The following SLC19A2 variants were observed in gnomAD, a reference collection of about 807,000 sequenced individuals.
SLC19A2 encodes solute carrier family 19 member 2.
A neutral mutation model predicts 44.7 loss-of-function variants in SLC19A2; 27 were observed. The ratio of observed to expected loss-of-function variants is 0.60; its 90% CI spans 0.45 to 0.83. The LOEUF (loss-of-function observed/expected upper bound fraction) is 0.83, where lower values mean the gene tolerates loss of function less well. SLC19A2 is among the 40% of genes least tolerant of loss of function. SLC19A2 has a pLI of 0.00. For missense variants in SLC19A2, 566 were observed against 613.7 expected, an observed-to-expected ratio of 0.92 and a Z score of 0.82; for synonymous variants, 239 against 243.6, an observed-to-expected ratio of 0.98 and a Z score of 0.18.
In SLC19A2 at chr1:169,485,806, T is replaced by C. The variant is rs1176615682; in HGVS notation, c.-40A>G. ...GAGGGGACCCGGCCCGGCCCCTTCC[T>C]TCTCCTCCTCCGCCAACTGGAGTGA... On this transcript the variant is annotated 5_prime_UTR_variant, in exon 1 of 6. Coordinates refer to ENST00000236137, the MANE Select transcript of SLC19A2 (RefSeq NM_006996.3). 2 of 1,502,410 alleles carry C rather than the reference T, an allele frequency of 1.3e-6. No individual in the cohort carries two copies. Among genetic ancestry groups the C allele is most frequent in the Non-Finnish European group, 1.8e-6 (2 of 1,132,866 alleles). The allele number at this position is 1,502,410 out of a possible 1,614,324, so 93.1% of individuals were successfully genotyped here.
chr1:169,480,384 C>T (rs946860463), intron 1 of SLC19A2, among the ~76,000 whole-genome samples: 3 of 151,976 alleles, frequency 2.0e-5, no homozygotes, highest in Non-Finnish European at 4.4e-5. Context: ...GTGATCTCGG[C>T]TCACTGCAAC....
Position 169,465,829 on chromosome 1 carries a change from A to C in SLC19A2, c.*20T>G, listed in dbSNP as rs370695604. ...GCTGTGCAGAGTTCTTGCTATAAGA[A>C]GAAGCCCTTCAGCAGTATATTATGA... On this transcript the variant is annotated 3_prime_UTR_variant, in exon 6 of 6. Coordinates refer to ENST00000236137, the MANE Select transcript of SLC19A2 (RefSeq NM_006996.3). The C allele has an allele frequency of 2.5e-5, 41 of 1,613,092 alleles. No homozygotes were observed. The highest frequency in any genetic ancestry group is 3.4e-5 in the Non-Finnish European group (40 of 1,179,612).
intron 5 of SLC19A2, 141 bp from the exon 6 acceptor site, chr1:169,466,118 A>G (rs1402591985): frequency 5.5e-6 from 5 of 908,332 alleles, no homozygotes; most frequent in Non-Finnish European, 8.5e-6. Flanking sequence ...GACACAAAGC[A>G]GCATCACAGC....
At chr1:169,482,772 A>G (rs890188999) in intron 1 of SLC19A2, among the ~76,000 whole-genome samples, 2 of 152,216 alleles carry the variant, frequency 1.3e-5, no homozygotes, top group South Asian at 2.1e-4. Context: ...GACTGTGGAT[A>G]TGCTGGACTT....
chr1:169,466,998 TAATC>T (rs1421044380), intron 5 of SLC19A2, among the ~76,000 whole-genome samples: 1 of 152,132 alleles, frequency 6.6e-6, no homozygotes, highest in Non-Finnish European at 1.5e-5. Context: ...AGGAAGCCAT[TAATC>T]AATCATGGCA....
intron 5 of SLC19A2, among the ~76,000 whole-genome samples, chr1:169,466,588 C>T (rs371525866): frequency 1.3e-5 from 2 of 151,692 alleles, no homozygotes; most frequent in African/African-American, 2.4e-5. Context: ...TATAGGTATA[C>T]GTGTGCCATG....
chr1:169,485,932 T>C lies in SLC19A2; in HGVS notation c.-166A>G. The stretch of plus-strand genomic sequence containing the variant: ...GGCTACAGAACCCCCAGCTTTACCC[T>C]ACAGACGCCTCTAGGGTCGCTGCCT... On this transcript the variant is annotated 5_prime_UTR_variant, in exon 1 of 6. Coordinates refer to ENST00000236137, the MANE Select transcript of SLC19A2 (RefSeq NM_006996.3). 3.7e-6 allele frequency: 3 copies of C among 805,966 alleles called. No individual in the cohort carries two copies. The highest frequency in any genetic ancestry group is 5.7e-6 in the Non-Finnish European group (3 of 525,620). The allele number at this position is 805,966 out of a possible 1,614,324, so 49.9% of individuals were successfully genotyped here. A position where few individuals can be genotyped will look rare whatever the true frequency, so the allele number is the denominator to read the frequency against.
rs1170561910 is a variant in SLC19A2 at position 169,469,971 on chromosome 1, G to T, written c.1023C>A (p.Thr341=). Reference sequence around the variant, plus strand: ...TTATCCTGCATTGCTTACCCAGTAAGGTTGAAACGGCCTCCACGCCACCAT... The same window carrying T: ...TTATCCTGCATTGCTTACCCAGTAATGTTGAAACGGCCTCCACGCCACCAT... The part of the protein sequence containing the change: ...IYNGGVEAVS[T]LLGAVAVFAV... The change falls in exon 3 of 6, where the codon ACC becomes ACA. Residue 341 remains threonine, a synonymous_variant. Coordinates refer to ENST00000236137, the MANE Select transcript of SLC19A2 (RefSeq NM_006996.3). 1.2e-6 allele frequency: 2 copies of T among 1,613,538 alleles called. No individual in the cohort carries two copies. The highest frequency in any genetic ancestry group is 1.7e-6 in the Non-Finnish European group (2 of 1,179,710).
intron 4 of SLC19A2, 135 bp downstream of exon 4, chr1:169,468,509 A>G (rs940351812): frequency 6.7e-6 from 5 of 746,390 alleles, no homozygotes; most frequent in Middle Eastern, 6.4e-4. Flanking sequence ...AAAAACTGAT[A>G]ATGCACATAT....
chr1:169,474,066 T>C (rs1658255637), intron 2 of SLC19A2: 1 of 152,198 alleles, frequency 6.6e-6, no homozygotes, highest in Non-Finnish European at 1.5e-5. Flanking sequence ...AAACTCACAA[T>C]GAATGAAGCG....
rs543080574 is a variant in SLC19A2, at chr1:169,464,028, T to C, written c.*1821A>G. 1 of 152,678 alleles carries C rather than the reference T, an allele frequency of 6.5e-6. No individual in the cohort carries two copies. Among genetic ancestry groups the C allele is most frequent in the East Asian group, 1.9e-4 (1 of 5,190 alleles). 9.5% of individuals were successfully genotyped at this position (152,678 alleles called of 1,614,324 possible). A position where few individuals can be genotyped will look rare whatever the true frequency, so the allele number is the denominator to read the frequency against. On this transcript the variant is annotated 3_prime_UTR_variant, in exon 6 of 6. Transcript: ENST00000236137. ...ATTTTCACTTATTTACAAAACTGCA[T>C]ACAGTACAACTTGCACATTGAGTTC...
chr1:169,467,537 T>G (rs142520494), intron 5 of SLC19A2, among the ~76,000 whole-genome samples: 1 of 152,326 alleles, frequency 6.6e-6, no homozygotes, highest in Non-Finnish European at 1.5e-5. Flanking sequence ...CAAGATATAC[T>G]TAAAACTCAC....
chr1:169,477,361 C>T lies in SLC19A2; in HGVS notation c.601G>A (p.Ala201Thr). 6.2e-7 allele frequency: 1 copy of T among 1,614,148 alleles called. No homozygotes were observed. Among genetic ancestry groups the T allele is most frequent in the Non-Finnish European group, 8.5e-7 (1 of 1,180,022 alleles). The change falls in exon 2 of 6, where the codon GCT (alanine) becomes ACT (threonine). Residue 201 changes from alanine (A) to threonine (T), a missense_variant. Coordinates refer to ENST00000236137, the MANE Select transcript of SLC19A2 (RefSeq NM_006996.3). ...GGTAAAAACCAGGCCACAGCAAAAGCCACTGAAACACAGGTAAGAGAGATG... is the reference window on the plus strand; with the variant it reads ...GGTAAAAACCAGGCCACAGCAAAAGTCACTGAAACACAGGTAAGAGAGATG... ...NVISLTCVSV[A>T]FAVAWFLPMP...
At chr1:169,473,526 G>A (rs1421126935) in intron 2 of SLC19A2, among the ~76,000 whole-genome samples, 2 of 151,826 alleles carry the variant, frequency 1.3e-5, no homozygotes, top group South Asian at 2.1e-4. Flanking sequence ...GATTACAGGT[G>A]TGAGTCACCA....
Position 169,466,594 on chromosome 1 carries a change from C to CCATG in SLC19A2, c.1366-621_1366-618dup, listed in dbSNP as rs1658000100. Reference sequence around the variant, plus strand: ...GATTTGTTATATAGGTATACGTGTGCCATGGTGGTTTGCTGCACCTATCAA... The same window carrying CCATG: ...GATTTGTTATATAGGTATACGTGTGCCATGCATGGTGGTTTGCTGCACCTATCAA... On this transcript the variant is annotated intron_variant, in intron 5 of 5. Coordinates refer to ENST00000236137, the MANE Select transcript of SLC19A2 (RefSeq NM_006996.3). Among the ~76,000 whole-genome samples the CCATG allele has an allele frequency of 3.9e-5, 6 of 151,928 alleles. No homozygotes were observed. In the South Asian group the frequency reaches 1.2e-3, roughly 32 times the overall value.
chr1:169,468,587 CA>C (rs1320410587), intron 4 of SLC19A2, 56 bp downstream of exon 4: 4 of 1,506,506 alleles, frequency 2.7e-6, no homozygotes, highest in African/African-American at 2.8e-5. Flanking sequence ...GTAAAGAAAC[CA>C]AAAAATTTAT....
intron 1 of SLC19A2, among the ~76,000 whole-genome samples, chr1:169,478,649 C>T (rs1435832564): frequency 6.8e-6 from 1 of 148,114 alleles, no homozygotes; most frequent in Non-Finnish European, 1.5e-5. Context: ...GCTGGGATTA[C>T]AGACATGTGA....
chr1:169,470,157 C>A lies in SLC19A2; in HGVS notation c.837G>T (p.Leu279Phe), dbSNP rs1445797111. ...PEPKPDRLLV[L>F]KVLWNDFLMC... ...TCAGGAAATCATTCCATAGTACTTT[C>A]AATACAAGGAGACGGTCTGGCTTGG... The change falls in exon 3 of 6, where the codon TTG becomes TTT. Residue 279 changes from leucine (L) to phenylalanine (F), a missense_variant. Physicochemically the swap from Leu to Phe is conservative, Grantham distance 22. Coordinates refer to ENST00000236137, the MANE Select transcript of SLC19A2 (RefSeq NM_006996.3). 6.2e-7 allele frequency: 1 copy of A among 1,613,978 alleles called. No individual in the cohort carries two copies. The highest frequency in any genetic ancestry group is 8.5e-7 in the Non-Finnish European group (1 of 1,179,952).
chr1:169,469,058 A>G, intron 3 of SLC19A2: 9 of 545,648 alleles, frequency 1.6e-5, no homozygotes, highest in Non-Finnish European at 2.9e-5. Flanking sequence ...AGAGGTGGCA[A>G]TGAGATGAAA....
Sources: allele counts gnomAD v4.1 joint callset (sites outside exome capture counted in the v4.1 genomes callset), GRCh38; gene constraint gnomAD v4.1.1; transcripts MANE v1.5; gene names NCBI Gene and HGNC (gene_info 2026-07-23, HGNC 2026-07-21).